SRBD1: variants seen among roughly 807,000 people sequenced by gnomAD.
The protein encoded by SRBD1 is S1 RNA binding domain 1, also known as S1 RNA-binding domain-containing protein 1.
In SRBD1, 88 loss-of-function variants were observed where a neutral mutation model predicts 115.3. That is an observed-to-expected ratio of 0.76 (90% confidence interval 0.64 to 0.91). SRBD1 has a LOEUF of 0.91. Ranked by LOEUF, SRBD1 falls within the 40% of genes least tolerant of loss-of-function variation. SRBD1 has a pLI of 0.00. For synonymous variants in SRBD1, 509 were observed against 407.7 expected (o/e 1.25, Z -2.99); for missense variants, 1,385 against 1,177.4 (o/e 1.18, Z -2.58).
chr2:45,549,202 A>T (rs1480871152), intron 12 of SRBD1: 1 of 152,236 alleles, frequency 6.6e-6, no homozygotes, highest in Non-Finnish European at 1.5e-5. Context: ...AAGTAAAGAT[A>T]GCAACAGCAA....
At position 45,389,321 on chromosome 2, in the gene SRBD1, G is replaced by A. The variant is rs758691871; in HGVS notation, c.2977C>T (p.Arg993Trp). ...PRSRITLDLI[R>W]VL ...CCTTCGTGGGATACTCATAACACCC[G>A]AATGAGGTCCAGAGTAATCCTAGAT... The change falls in exon 21 of 21, where the codon CGG becomes TGG. Residue 993 changes from arginine to tryptophan, a missense_variant. Transcript: ENST00000263736. The A allele has an allele frequency of 9.3e-6, 15 of 1,613,186 alleles. No homozygotes were observed. Among genetic ancestry groups the A allele is most frequent in the East Asian group, 2.2e-5 (1 of 44,884 alleles).
intron 15 of SRBD1, among the ~76,000 whole-genome samples, chr2:45,480,731 T>C (rs780197583): frequency 1.3e-5 from 2 of 152,232 alleles, no homozygotes; most frequent in Admixed American, 6.5e-5. Flanking sequence ...CAGGAATGGA[T>C]AGTATGGACT....
At chr2:45,391,271 A>G (rs1320935893) in intron 20 of SRBD1, among the ~76,000 whole-genome samples, 1 of 152,226 alleles carries the variant, frequency 6.6e-6, no homozygotes, top group Non-Finnish European at 1.5e-5. Flanking sequence ...AAGCATTTTC[A>G]GCCCCTGTGT....
rs1191191203 is a variant in SRBD1, at chr2:45,599,645, C to A, written c.452G>T (p.Ser151Ile). The A allele has an allele frequency of 6.2e-7, 1 of 1,614,214 alleles. No homozygotes were observed. The highest frequency in any genetic ancestry group is 1.1e-5 in the South Asian group (1 of 91,086). Residue 151 changes from serine (S) to isoleucine (I), a missense_variant, in exon 4 of 21, where the codon AGT (serine) becomes ATT (isoleucine). Transcript: ENST00000263736. ...AGTGCTTGTGGATGGTGTCTCTGAACTATTACTCTCACCCTCTAAGTTGCT... is the reference window on the plus strand; with the variant it reads ...AGTGCTTGTGGATGGTGTCTCTGAAATATTACTCTCACCCTCTAAGTTGCT... ...KASNLEGESNSSETPSTSTVW... is the reference protein window; with the variant it reads ...KASNLEGESNISETPSTSTVW...
At chr2:45,409,232 G>A (rs986783236) in intron 19 of SRBD1, among the ~76,000 whole-genome samples, 4 of 151,736 alleles carry the variant, frequency 2.6e-5, no homozygotes, top group East Asian at 1.9e-4. Flanking sequence ...CATCCCCTCC[G>A]ATTGATTCTC....
At chr2:45,580,187 T>C (rs1019709212) in intron 6 of SRBD1, among the ~76,000 whole-genome samples, 174 bp from the exon 7 acceptor site, 2 of 152,212 alleles carry the variant, frequency 1.3e-5, no homozygotes, top group Admixed American at 6.5e-5. Flanking sequence ...TGTATGAAGA[T>C]GGTATGTGCT....
At chr2:45,549,443 C>T (rs1410971028) in intron 12 of SRBD1, among the ~76,000 whole-genome samples, 1 of 150,600 alleles carries the variant, frequency 6.6e-6, no homozygotes, top group Non-Finnish European at 1.5e-5. Flanking sequence ...TAGTCAAATT[C>T]TATATAGAAT....
chr2:45,529,456 A>C (rs1671546079), intron 14 of SRBD1, among the ~76,000 whole-genome samples: 1 of 151,902 alleles, frequency 6.6e-6, no homozygotes, highest in Non-Finnish European at 1.5e-5. Flanking sequence ...CCCTACCAAA[A>C]ACCTTGAATG....
chr2:45,531,273 T>C (rs1212579034), intron 14 of SRBD1, among the ~76,000 whole-genome samples: 1 of 151,898 alleles, frequency 6.6e-6, no homozygotes, highest in Non-Finnish European at 1.5e-5. Flanking sequence ...ATACTCACCG[T>C]ATATAAATAA....
At chr2:45,397,312 A>G (rs1572591008) in intron 19 of SRBD1, among the ~76,000 whole-genome samples, 2 of 152,202 alleles carry the variant, frequency 1.3e-5, no homozygotes, top group Admixed American at 1.3e-4. Context: ...TTTTCTCTCT[A>G]TATAACATAT....
chr2:45,509,186 T>C (rs1308711884), intron 14 of SRBD1, among the ~76,000 whole-genome samples: 1 of 152,184 alleles, frequency 6.6e-6, no homozygotes, highest in Non-Finnish European at 1.5e-5. Context: ...CCGAGGGATA[T>C]ATTGTTAATA....
intron 19 of SRBD1, 53 bp downstream of exon 19, chr2:45,413,061 T>C: frequency 6.5e-7 from 1 of 1,535,658 alleles, no homozygotes; most frequent in Non-Finnish European, 8.7e-7. Context: ...GGCCATTTGC[T>C]GTAAAGAACT....
chr2:45,435,259 G>C (rs1364478060), intron 16 of SRBD1, among the ~76,000 whole-genome samples: 9 of 152,094 alleles, frequency 5.9e-5, no homozygotes, highest in South Asian at 2.1e-4. Context: ...GCAGGACTAT[G>C]ATTCCAGGGA....
intron 8 of SRBD1, among the ~76,000 whole-genome samples, chr2:45,573,866 A>G (rs368784607): frequency 1.3e-5 from 2 of 152,214 alleles, no homozygotes; most frequent in Non-Finnish European, 2.9e-5. Flanking sequence ...GAGAAAATAC[A>G]AAAGTTCTTT....
At chr2:45,581,323 A>G (rs1673356141) in intron 6 of SRBD1, among the ~76,000 whole-genome samples, 1 of 152,162 alleles carries the variant, frequency 6.6e-6, no homozygotes, top group African/African-American at 2.4e-5. Context: ...ACCTGCTAAC[A>G]AACACTTCTT....
intron 19 of SRBD1, among the ~76,000 whole-genome samples, chr2:45,411,842 G>A (rs984979996): frequency 2.0e-5 from 3 of 152,200 alleles, no homozygotes; most frequent in African/African-American, 7.2e-5. Flanking sequence ...CAGGTGCAGT[G>A]GCTCACGCCT....
At position 45,599,449 on chromosome 2, in the gene SRBD1, C is replaced by T; in HGVS notation, c.648G>A (p.Gln216=). 6.2e-7 allele frequency: 1 copy of T among 1,612,178 alleles called. No individual in the cohort carries two copies. The highest frequency in any genetic ancestry group is 8.5e-7 in the Non-Finnish European group (1 of 1,178,958). Residue 216 remains glutamine, a splice_region_variant and synonymous_variant, in exon 4 of 21, where the codon CAG becomes CAA. Transcript: ENST00000263736. ...AGTGACAGAAAAAGGCTGCACATAC[C>T]TGTACCATGTCCCAATTCATTTCCA... The part of the protein sequence containing the change: ...EEVEMNWDMV[Q]VLSERTNIEP...
intron 16 of SRBD1, among the ~76,000 whole-genome samples, chr2:45,439,576 AT>A (rs1668599138): frequency 6.6e-6 from 1 of 151,988 alleles, no homozygotes; most frequent in South Asian, 2.1e-4. Context: ...ACTAAAAATG[AT>A]TTGATTTTCT....
chr2:45,537,938 T>A (rs1039696334), intron 14 of SRBD1, among the ~76,000 whole-genome samples: 1 of 152,156 alleles, frequency 6.6e-6, no homozygotes, highest in Non-Finnish European at 1.5e-5. Flanking sequence ...AGAGAAAATT[T>A]AAAAGGGAGA....
Sources: gnomAD v4.1 joint callset for allele counts (sites outside exome capture counted in the v4.1 genomes callset) on GRCh38, gnomAD v4.1.1 for gene constraint, MANE v1.5 for transcripts, NCBI Gene and HGNC (gene_info 2026-07-23, HGNC 2026-07-21) for gene names.